The following CYP2E1 variants were observed in gnomAD, a reference collection of about 807,000 sequenced individuals.
CYP2E1 encodes the protein cytochrome P450 family 2 subfamily E member 1, also known as cytochrome P450 2E1.
CYP2E1 carries 31 observed loss-of-function variants against 42.9 expected under a neutral mutation model. The observed-to-expected ratio is 0.72, with a 90% CI of 0.54 to 0.98. The LOEUF (loss-of-function observed/expected upper bound fraction) is 0.98. Ranked by LOEUF, CYP2E1 falls within the 50% of genes least tolerant of loss-of-function variation. CYP2E1 has a pLI of 0.00. For synonymous variants in CYP2E1, 244 were observed against 248.9 expected (o/e 0.98, Z 0.19); for missense variants, 565 against 633.2 (o/e 0.89, Z 1.16).
rs28371746 is a variant in CYP2E1 at position 133,533,839 on chromosome 10, C to A, written c.909C>A (p.Thr303=). The A allele has an allele frequency of 8.8e-4, 1,418 of 1,614,148 alleles. 34 individuals are homozygous for A. In the East Asian group the frequency reaches 0.024, roughly 28 times the overall value. ...ACCTGTTCTTTGCGGGGACAGAGAC[C>A]ACCAGCACAACTCTGAGATATGGGC... ...VADLFFAGTE[T]TSTTLRYGLL... is the part of the protein sequence containing the mutation. The change falls in exon 6 of 9, where the codon ACC becomes ACA. Residue 303 remains threonine, a synonymous_variant. Transcript: ENST00000252945.
intron 8 of CYP2E1, 60 bp downstream of exon 8, chr10:133,537,952 C>A: frequency 6.5e-7 from 1 of 1,546,872 alleles, no homozygotes; most frequent in South Asian, 1.2e-5. Flanking sequence ...CTCATCTCCC[C>A]TCCACATGTG....
Position 133,532,562 on chromosome 10 carries a change from T to G in CYP2E1, c.649-130T>G. ...AGAATGGTGCCCAAGAAGGACACTG[T>G]TGACCCAAAATATTCCAAATAAACA... On this transcript the variant is annotated intron_variant, in intron 4 of 8. Coordinates refer to ENST00000252945, the MANE Select transcript of CYP2E1 (RefSeq NM_000773.4). The G allele has an allele frequency of 5.3e-6, 5 of 938,258 alleles. No individual in the cohort carries two copies. The East Asian group carries it at 7.3e-5, about 14-fold the overall frequency. 58.1% of individuals were successfully genotyped at this position (938,258 alleles called of 1,614,324 possible). A position where few individuals can be genotyped will look rare whatever the true frequency, so the allele number is the denominator to read the frequency against.
At chr10:133,533,682 C>G in intron 5 of CYP2E1, 74 bp from the exon 6 acceptor site, 1 of 1,537,046 alleles carries the variant, frequency 6.5e-7, no homozygotes, top group Non-Finnish European at 8.9e-7. Flanking sequence ...CCCTGTGGAG[C>G]TGGGAGGTGG....
intron 4 of CYP2E1, 30 bp downstream of exon 4, chr10:133,532,314 T>C: frequency 6.2e-7 from 1 of 1,601,302 alleles, no homozygotes; most frequent in Admixed American, 1.7e-5. Flanking sequence ...TCATCAGTCA[T>C]CAACTGTAGA....
chr10:133,534,168 G>A (rs1005476089), intron 6 of CYP2E1, among the ~76,000 whole-genome samples: 1 of 152,180 alleles, frequency 6.6e-6, no homozygotes. Flanking sequence ...AGAGGTGGCA[G>A]GGTCTGCATT....
chr10:133,535,555 T>A (rs1851385569), intron 6 of CYP2E1, among the ~76,000 whole-genome samples: 1 of 152,188 alleles, frequency 6.6e-6, no homozygotes, highest in African/African-American at 2.4e-5. Flanking sequence ...CTGCAGTGAT[T>A]ATAAGAGAAC....
rs199580397 is a variant in CYP2E1 at position 133,531,738 on chromosome 10, C to T, written c.487+4C>T. On this transcript the variant is annotated splice_donor_region_variant and intron_variant, in intron 3 of 8. Coordinates refer to ENST00000252945, the MANE Select transcript of CYP2E1 (RefSeq NM_000773.4). ...GAAGCACTCAGGAAGACCCAAGGTG[C>T]GTATCTGCTGCCTAGCAGGGCCCAG... 3.3e-5 allele frequency: 53 copies of T among 1,583,342 alleles called. No homozygotes were observed. Among genetic ancestry groups the T allele is most frequent in the Non-Finnish European group, 4.2e-5 (49 of 1,165,782 alleles).
chr10:133,531,574 C>G lies in CYP2E1; in HGVS notation c.338-11C>G. ...ATTTAGAATAACCTTCTGCTGGCCC[C>G]TCTGCCTTAGGAATCATTTTTAATA... On this transcript the variant is annotated splice_polypyrimidine_tract_variant and intron_variant, in intron 2 of 8. Coordinates refer to ENST00000252945, the MANE Select transcript of CYP2E1 (RefSeq NM_000773.4). 6.2e-7 allele frequency: 1 copy of G among 1,614,022 alleles called. No individual in the cohort carries two copies. Among genetic ancestry groups the G allele is most frequent in the Non-Finnish European group, 8.5e-7 (1 of 1,179,994 alleles).
At chr10:133,531,016 T>C (rs1173477833) in intron 2 of CYP2E1, among the ~76,000 whole-genome samples, 1 of 152,140 alleles carries the variant, frequency 6.6e-6, no homozygotes. Context: ...CCTTGACAGC[T>C]CAGAAGGGTG....
At chr10:133,532,369 A>G in intron 4 of CYP2E1, 85 bp downstream of exon 4, 1 of 1,313,360 alleles carries the variant, frequency 7.6e-7, no homozygotes, top group South Asian at 1.4e-5. Context: ...TATGTGATAG[A>G]CAGGACTGCA....
chr10:133,532,264 C>T lies in CYP2E1; in HGVS notation c.628C>T (p.Leu210Phe). 1 of 1,613,308 alleles carries T rather than the reference C, an allele frequency of 6.2e-7. No homozygotes were observed. Reference protein sequence around the residue: ...MYLFNENFHLLSTPWLQLYNN... With the variant: ...MYLFNENFHLFSTPWLQLYNN... Reference sequence around the variant, plus strand: ...TTTGTTTAATGAGAACTTCCACCTACTCAGCACTCCCTGGCTCCAGGTGAA... The same window carrying T: ...TTTGTTTAATGAGAACTTCCACCTATTCAGCACTCCCTGGCTCCAGGTGAA... Residue 210 changes from leucine (L) to phenylalanine (F), a missense_variant, in exon 4 of 9, where the codon CTC (leucine) becomes TTC (phenylalanine). Coordinates refer to ENST00000252945, the MANE Select transcript of CYP2E1 (RefSeq NM_000773.4).
chr10:133,527,640 C>T (rs905916470), intron 1 of CYP2E1, 68 bp downstream of exon 1: 32 of 1,302,462 alleles, frequency 2.5e-5, no homozygotes, highest in African/African-American at 1.0e-4. Context: ...GTGTATTCAA[C>T]TCATTTGCAG....
intron 7 of CYP2E1, chr10:133,537,486 G>A: frequency 1.7e-6 from 1 of 599,166 alleles, no homozygotes; most frequent in Middle Eastern, 4.4e-4. Context: ...ATAGTGCCTG[G>A]GACTGTAGTG....
Position 133,536,501 on chromosome 10 carries a change from AAGGGTGGG to A in CYP2E1, c.968-561_968-554del, listed in dbSNP as rs1564849631. 3.0e-5 allele frequency among the ~76,000 whole-genome samples: 4 copies of A among 134,744 alleles called. No individual in the cohort carries two copies. The East Asian group carries it at 9.2e-4, about 31-fold the overall frequency. The allele number at this position is 134,744 out of a possible 152,430, so 88.4% of individuals were successfully genotyped here. On this transcript the variant is annotated intron_variant, in intron 6 of 8. Coordinates refer to ENST00000252945, the MANE Select transcript of CYP2E1 (RefSeq NM_000773.4). ...GGTCAATGGATGTGTGGATGGATGG[AAGGGTGGG>A]TGGATGGGTGGATGGTTGGATGTAT...
Position 133,532,153 on chromosome 10 carries a change from G to A in CYP2E1, c.517G>A (p.Gly173Ser), listed in dbSNP as rs60452492. ...GCCTTTCGACCCCACCTTCCTCATC[G>A]GCTGCGCGCCCTGCAACGTCATAGC... The part of the protein sequence containing the change: ...GQPFDPTFLI[G>S]CAPCNVIADI... Residue 173 changes from glycine to serine, a missense_variant, in exon 4 of 9, where the codon GGC (glycine) becomes AGC (serine). Gly to Ser is a moderately conservative substitution (Grantham distance 56, BLOSUM62 0). Transcript: ENST00000252945. The A allele has an allele frequency of 2.4e-3, 3,904 of 1,613,706 alleles. 39 individuals are homozygous for A. Among genetic ancestry groups the A allele is most frequent in the South Asian group, 0.015 (1,394 of 91,050 alleles).
At chr10:133,535,227 A>C (rs932583091) in intron 6 of CYP2E1, among the ~76,000 whole-genome samples, 3 of 152,058 alleles carry the variant, frequency 2.0e-5, no homozygotes, top group African/African-American at 7.2e-5. Context: ...ACAGCTACTC[A>C]GGAGGCTGAG....
intron 3 of CYP2E1, 69 bp downstream of exon 3, chr10:133,531,803 A>G: frequency 1.4e-6 from 2 of 1,455,020 alleles, no homozygotes; most frequent in Non-Finnish European, 1.8e-6. Flanking sequence ...CCTGGCTGGG[A>G]CTCCTAGACT....
At chr10:133,532,667 G>A in intron 4 of CYP2E1, 25 bp from the exon 5 acceptor site, 1 of 1,546,892 alleles carries the variant, frequency 6.5e-7, no homozygotes, top group Non-Finnish European at 8.7e-7. Flanking sequence ...GAAAAAAGTA[G>A]TAAAATATTT....
In CYP2E1 at chr10:133,537,233, G is replaced by C; in HGVS notation, c.1138G>C (p.Gly380Arg). Residue 380 changes from glycine (G) to arginine (R), a missense_variant, in exon 7 of 9, where the codon GGA becomes CGA. Gly to Arg is a moderately radical substitution (Grantham distance 125, BLOSUM62 -2). Coordinates refer to ENST00000252945, the MANE Select transcript of CYP2E1 (RefSeq NM_000773.4). The stretch of plus-strand genomic sequence containing the variant: ...AGCAACCCGAGACACCATTTTCAGA[G>C]GATACCTCATCCCCAAGGTTAAGCA... ...HEATRDTIFR[G>R]YLIPKGTVVV... is the part of the protein sequence containing the mutation. The C allele has an allele frequency of 3.1e-6, 5 of 1,613,902 alleles. No individual in the cohort carries two copies. The highest frequency in any genetic ancestry group is 4.2e-6 in the Non-Finnish European group (5 of 1,179,908).
Sources: gnomAD v4.1 joint callset for allele counts (sites outside exome capture counted in the v4.1 genomes callset) on GRCh38, gnomAD v4.1.1 for gene constraint, MANE v1.5 for transcripts, NCBI Gene and HGNC (gene_info 2026-07-23, HGNC 2026-07-21) for gene names.